The following EEA1 variants were observed in gnomAD, a reference collection of about 807,000 sequenced individuals.
The protein encoded by EEA1 is early endosome antigen 1, 162kD.
A neutral mutation model predicts 209.2 loss-of-function variants in EEA1; 111 were observed. The ratio of observed to expected loss-of-function variants is 0.53; its 90% CI spans 0.45 to 0.62. The LOEUF is 0.62. Among genes scored for constraint, EEA1 ranks in the 20% least tolerant of loss-of-function variants. The pLI is 0.00. For synonymous variants in EEA1, 536 were observed against 540.6 expected (o/e 0.99, Z 0.12); for missense variants, 1,343 against 1,530.8 (o/e 0.88, Z 2.05).
chr12:92,894,465 TGAA>T (rs1565854044), intron 1 of EEA1, among the ~76,000 whole-genome samples: 103 of 152,256 alleles, frequency 6.8e-4, no homozygotes, highest in African/African-American at 2.4e-3. Flanking sequence ...CAGCCAAATG[TGAA>T]TGCAAAGAAA....
chr12:92,778,258 A>T, intron 25 of EEA1, 79 bp from the exon 26 acceptor site: 1 of 1,128,614 alleles, frequency 8.9e-7, no homozygotes, highest in Non-Finnish European at 1.3e-6. Flanking sequence ...TTACATTTAA[A>T]ATACTGGCAA....
At chr12:92,867,865 TGA>T (rs3064992) in intron 2 of EEA1, among the ~76,000 whole-genome samples, 139,844 of 151,730 alleles carry the variant, frequency 0.92, 64,518 homozygotes, top group East Asian at 0.99. Context: ...TATGTGTGTG[TGA>T]GAGAGAGAGA....
Position 92,775,942 on chromosome 12 carries a change from A to G in EEA1, c.*69T>C. The G allele has an allele frequency of 6.6e-7, 1 of 1,509,350 alleles. No individual in the cohort carries two copies. The highest frequency in any genetic ancestry group is 9.0e-7 in the Non-Finnish European group (1 of 1,115,088). 93.5% of individuals were successfully genotyped at this position (1,509,350 alleles called of 1,614,324 possible). ...TGTCCAAACCAAATAGTAGTCCAAG[A>G]CCTCTATTAAGTACATTTATTAAAA... On this transcript the variant is annotated 3_prime_UTR_variant, in exon 29 of 29. Transcript: ENST00000322349.
At chr12:92,923,091 T>G (rs1881069042) in intron 1 of EEA1, among the ~76,000 whole-genome samples, 2 of 152,296 alleles carry the variant, frequency 1.3e-5, no homozygotes, top group African/African-American at 4.8e-5. Flanking sequence ...CTCACGCCTG[T>G]AATCCCAGCA....
chr12:92,876,875 T>C (rs976468634), intron 2 of EEA1, among the ~76,000 whole-genome samples: 20 of 148,340 alleles, frequency 1.3e-4, no homozygotes, highest in Admixed American at 4.7e-4. Context: ...AAAAAACTTC[T>C]AGAACAAGCT....
intron 24 of EEA1, 107 bp from the exon 25 acceptor site, chr12:92,779,407 CCA>C (rs1873802354): frequency 9.9e-7 from 1 of 1,006,438 alleles, no homozygotes; most frequent in African/African-American, 1.7e-5. Flanking sequence ...TAGGTTTTAC[CCA>C]CTTATGAAAT....
chr12:92,834,556 AAAAAAAAAAAAAAGAGTACTTATAAGAG>A (rs1876824678), intron 10 of EEA1, among the ~76,000 whole-genome samples: 1 of 150,690 alleles, frequency 6.6e-6, no homozygotes. Flanking sequence ...TAAAAAAAAA[AAAAAAAAAAAAAAGAGTACTTATAAGAG>A]AGGATGACAG....
chr12:92,923,958 A>C (rs1163489304), intron 1 of EEA1, among the ~76,000 whole-genome samples: 2 of 152,030 alleles, frequency 1.3e-5, no homozygotes, highest in Non-Finnish European at 2.9e-5. Flanking sequence ...CCATTTTAAA[A>C]AAATCAGCCA....
intron 3 of EEA1, among the ~76,000 whole-genome samples, chr12:92,860,457 A>T (rs1226946589): frequency 6.6e-6 from 1 of 152,106 alleles, no homozygotes; most frequent in African/African-American, 2.4e-5. Context: ...ATACTTGAAC[A>T]TTTTCTAATT....
At chr12:92,880,635 C>T (rs12307356) in intron 2 of EEA1, among the ~76,000 whole-genome samples, 254 of 152,194 alleles carry the variant, frequency 1.7e-3, no homozygotes, top group African/African-American at 5.3e-3. Flanking sequence ...CCACCATGCT[C>T]GGCTAATTTT....
At position 92,780,426 on chromosome 12, in the gene EEA1, TATATTTTAAAA is replaced by T; in HGVS notation, c.3337-26_3337-16del. 1 of 1,453,568 alleles carries T rather than the reference TATATTTTAAAA, an allele frequency of 6.9e-7. No individual in the cohort carries two copies. The highest frequency in any genetic ancestry group is 9.3e-7 in the Non-Finnish European group (1 of 1,077,714). The allele number at this position is 1,453,568 out of a possible 1,614,324, so 90.0% of individuals were successfully genotyped here. On this transcript the variant is annotated splice_polypyrimidine_tract_variant and intron_variant, in intron 23 of 28. Coordinates refer to ENST00000322349, the MANE Select transcript of EEA1 (RefSeq NM_003566.4). ...TCTTTCAGTGACTGTAGAAAAATGA[TATATTTTAAAA>T]TTATTTTAAAGCAAATACTTAAATG...
chr12:92,782,658 T>C (rs2136651250), intron 22 of EEA1, among the ~76,000 whole-genome samples: 1 of 152,370 alleles, frequency 6.6e-6, no homozygotes, highest in South Asian at 2.1e-4. Context: ...ATAGTGGTTT[T>C]TGTCCAGGGT....
At chr12:92,892,169 C>G (rs921027512) in intron 1 of EEA1, among the ~76,000 whole-genome samples, 2 of 152,056 alleles carry the variant, frequency 1.3e-5, no homozygotes, top group African/African-American at 4.8e-5. Context: ...TGGCTCACTG[C>G]AACCTCCACC....
chr12:92,776,558 C>T (rs1873663716), intron 28 of EEA1, among the ~76,000 whole-genome samples: 1 of 151,802 alleles, frequency 6.6e-6, no homozygotes, highest in Admixed American at 6.6e-5. Flanking sequence ...CTTTAAAGAA[C>T]CCAATGATTA....
Position 92,813,045 on chromosome 12 carries a change from C to A in EEA1, c.1978G>T (p.Ala660Ser), listed in dbSNP as rs1875595188. The A allele has an allele frequency of 6.3e-7, 1 of 1,599,490 alleles. No individual in the cohort carries two copies. Among genetic ancestry groups the A allele is most frequent in the South Asian group, 1.1e-5 (1 of 89,144 alleles). ...LLLSAEAAKTAQRADLQNHLD... is the reference protein window; with the variant it reads ...LLLSAEAAKTSQRADLQNHLD... Reference sequence around the variant, plus strand: ...TGATTCTGAAGATCAGCTCTTTGAGCAGTTTTTGCTGCTTCTGCTGATAGT... The same window carrying A: ...TGATTCTGAAGATCAGCTCTTTGAGAAGTTTTTGCTGCTTCTGCTGATAGT... Residue 660 changes from alanine (A) to serine (S), a missense_variant, in exon 16 of 29, where the codon GCT (alanine) becomes TCT (serine). Physicochemically the swap from Ala to Ser is moderately conservative, Grantham distance 99. Transcript: ENST00000322349.
Position 92,922,201 on chromosome 12 carries a change from G to A in EEA1, c.24+6842C>T, listed in dbSNP as rs116277023. ...CCTGCCTACTGAACATCTCCACTTG[G>A]GAAGTCCAGACCTCTAGTTCACATT... is the stretch of plus-strand genomic sequence containing the variant. On this transcript the variant is annotated intron_variant, in intron 1 of 28. Transcript: ENST00000322349. Among the ~76,000 whole-genome samples, 365 of 152,136 alleles carry A rather than the reference G, an allele frequency of 2.4e-3. 3 individuals are homozygous for A. The highest frequency in any genetic ancestry group is 8.1e-3 in the African/African-American group (336 of 41,478).
At chr12:92,847,388 C>T (rs1015882552) in intron 9 of EEA1, among the ~76,000 whole-genome samples, 12 of 152,052 alleles carry the variant, frequency 7.9e-5, no homozygotes, top group African/African-American at 2.7e-4. Context: ...CACTAACATA[C>T]TTAATTGAAA....
At chr12:92,797,022 A>G (rs2136662762) in intron 21 of EEA1, among the ~76,000 whole-genome samples, 1 of 152,294 alleles carries the variant, frequency 6.6e-6, no homozygotes, top group East Asian at 1.9e-4. Flanking sequence ...TACAATACCT[A>G]ATACAATGTA....
In EEA1 at chr12:92,771,506, G is replaced by C. The variant is rs1047184407; in HGVS notation, c.*4505C>G. 5 of 151,952 alleles carry C rather than the reference G, an allele frequency of 3.3e-5. No individual in the cohort carries two copies. The highest frequency in any genetic ancestry group is 1.3e-4 in the Admixed American group (2 of 15,234). 9.4% of individuals were successfully genotyped at this position (151,952 alleles called of 1,614,324 possible). On this transcript the variant is annotated 3_prime_UTR_variant, in exon 29 of 29. Transcript: ENST00000322349. The stretch of plus-strand genomic sequence containing the variant: ...TAGAAGAAAAAAAGGAAAATCTGGA[G>C]GACAGTAACTATTGTTAATAGCTAA...
Sources: allele counts gnomAD v4.1 joint callset (sites outside exome capture counted in the v4.1 genomes callset), GRCh38; gene constraint gnomAD v4.1.1; transcripts MANE v1.5; gene names NCBI Gene and HGNC (gene_info 2026-07-23, HGNC 2026-07-21).